Variants in PPP3R1 observed in about 807,000 individuals in gnomAD.
The protein encoded by PPP3R1 is calcineurin subunit B type 1.
Under a neutral mutation model 22.6 loss-of-function variants are expected in PPP3R1, and 5 were observed. The observed-to-expected ratio is 0.22, with a 90% CI of 0.12 to 0.46. The LOEUF (loss-of-function observed/expected upper bound fraction) is 0.46. Among genes scored for constraint, PPP3R1 ranks in the 20% least tolerant of loss-of-function variants. PPP3R1 has a pLI of 0.99. For synonymous variants in PPP3R1, 56 were observed against 65.2 expected (o/e 0.86, Z 0.68); for missense variants, 61 against 203.2 (o/e 0.30, Z 4.25).
intron 1 of PPP3R1, among the ~76,000 whole-genome samples, chr2:68,250,810 C>T (rs1284726716): frequency 6.6e-6 from 1 of 150,940 alleles, no homozygotes; most frequent in Non-Finnish European, 1.5e-5. Context: ...TAAATAAAAG[C>T]TGACTTACCT....
intron 1 of PPP3R1, among the ~76,000 whole-genome samples, chr2:68,243,190 A>C (rs535765643): frequency 1.4e-3 from 209 of 152,354 alleles, no homozygotes; most frequent in African/African-American, 4.8e-3. Context: ...TTAGTGCTAA[A>C]TTTCAAAAGA....
chr2:68,232,124 T>TACACACAC (rs751934251), intron 1 of PPP3R1, among the ~76,000 whole-genome samples: 2,917 of 97,956 alleles, frequency 0.03, 187 homozygotes, highest in African/African-American at 0.057. Flanking sequence ...TATATATATA[T>TACACACAC]ACACACACAC....
chr2:68,211,601 T>C (rs758241556), intron 2 of PPP3R1, among the ~76,000 whole-genome samples: 2 of 152,144 alleles, frequency 1.3e-5, no homozygotes, highest in Non-Finnish European at 2.9e-5. Context: ...ATTCCTTTCA[T>C]AAAAGATTTT....
At chr2:68,251,787 A>G (rs1947025) in intron 1 of PPP3R1, among the ~76,000 whole-genome samples, 111,451 of 149,968 alleles carry the variant, frequency 0.74, 42,466 homozygotes, top group African/African-American at 0.93. Flanking sequence ...CGCGAGAAGG[A>G]GAGTGCGCCG....
At chr2:68,226,021 T>C (rs1669773242) in intron 1 of PPP3R1, among the ~76,000 whole-genome samples, 1 of 152,152 alleles carries the variant, frequency 6.6e-6, no homozygotes, top group South Asian at 2.1e-4. Context: ...AGACTACTAA[T>C]ACACCCAATA....
At chr2:68,231,602 C>T (rs373644259) in intron 1 of PPP3R1, among the ~76,000 whole-genome samples, 1 of 152,180 alleles carries the variant, frequency 6.6e-6, no homozygotes, top group East Asian at 1.9e-4. Context: ...TAGTGCTTTA[C>T]ACTTTTATCA....
chr2:68,235,246 C>T (rs1669997045), intron 1 of PPP3R1, among the ~76,000 whole-genome samples: 1 of 152,074 alleles, frequency 6.6e-6, no homozygotes, highest in South Asian at 2.1e-4. Context: ...ACAAACCATC[C>T]ATCTAAAGTA....
chr2:68,223,381 G>A (rs1669723981), intron 1 of PPP3R1, among the ~76,000 whole-genome samples: 2 of 152,176 alleles, frequency 1.3e-5, no homozygotes, highest in African/African-American at 2.4e-5. Context: ...AGGCAACAGT[G>A]CGAGACTCTG....
intron 2 of PPP3R1, among the ~76,000 whole-genome samples, chr2:68,212,510 T>C (rs569174404): frequency 1.3e-5 from 2 of 152,380 alleles, no homozygotes; most frequent in South Asian, 2.1e-4. Flanking sequence ...CTTTACTCCA[T>C]GGGCTACAGA....
chr2:68,198,813 G>A (rs920668334), intron 2 of PPP3R1, among the ~76,000 whole-genome samples: 1 of 151,878 alleles, frequency 6.6e-6, no homozygotes, highest in South Asian at 2.1e-4. Flanking sequence ...CTATGAATGC[G>A]GTATATATCT....
Position 68,180,699 on chromosome 2 carries a change from G to A in PPP3R1, c.*264C>T. The A allele has an allele frequency of 3.1e-6, 1 of 324,496 alleles. No individual in the cohort carries two copies. Among genetic ancestry groups the A allele is most frequent in the Non-Finnish European group, 5.6e-6 (1 of 179,030 alleles). The allele number at this position is 324,496 out of a possible 1,614,324, so 20.1% of individuals were successfully genotyped here. On this transcript the variant is annotated 3_prime_UTR_variant, in exon 6 of 6. Transcript: ENST00000234310. The stretch of plus-strand genomic sequence containing the variant: ...AAGATGAAGAAAAATAAATTAAAAA[G>A]CCAACCCCTTCCCTTTCTCCACCAC...
At chr2:68,193,658 C>T (rs571686700) in intron 2 of PPP3R1, among the ~76,000 whole-genome samples, 1 of 152,242 alleles carries the variant, frequency 6.6e-6, no homozygotes, top group African/African-American at 2.4e-5. Context: ...GTTATTTAAG[C>T]ACTTCCACTT....
intron 2 of PPP3R1, 38 bp downstream of exon 2, chr2:68,217,054 G>T: frequency 6.8e-7 from 1 of 1,467,912 alleles, no homozygotes; most frequent in South Asian, 1.2e-5. Context: ...AGAGATGAGT[G>T]AATAAAAGTA....
chr2:68,228,003 TA>T (rs902589391), intron 1 of PPP3R1, among the ~76,000 whole-genome samples: 1 of 152,188 alleles, frequency 6.6e-6, no homozygotes, highest in African/African-American at 2.4e-5. Context: ...AGCACTACGC[TA>T]AAAAGGGCAG....
intron 2 of PPP3R1, among the ~76,000 whole-genome samples, chr2:68,197,044 T>A (rs1186125124): frequency 6.6e-6 from 1 of 152,196 alleles, no homozygotes; most frequent in African/African-American, 2.4e-5. Flanking sequence ...TAAAATAATT[T>A]AAGCCAACTT....
chr2:68,197,700 A>C (rs1467319751), intron 2 of PPP3R1, among the ~76,000 whole-genome samples: 1 of 152,024 alleles, frequency 6.6e-6, no homozygotes, highest in African/African-American at 2.4e-5. Flanking sequence ...AAGATTTGTG[A>C]AATTCTCTAT....
intron 2 of PPP3R1, among the ~76,000 whole-genome samples, chr2:68,209,427 ATAAG>A (rs1414368220): frequency 3.3e-5 from 5 of 150,594 alleles, no homozygotes; most frequent in Non-Finnish European, 7.4e-5. Context: ...AAATTAATAA[ATAAG>A]TAATTTGGGT....
intron 1 of PPP3R1, 99 bp downstream of exon 1, chr2:68,252,026 G>T: frequency 8.2e-7 from 1 of 1,215,462 alleles, no homozygotes; most frequent in Non-Finnish European, 1.1e-6. Flanking sequence ...ATTTTCCACG[G>T]GGGACAGCCG....
rs955696917 is a variant in PPP3R1 at position 68,198,311 on chromosome 2, A to G, written c.44-9621T>C. 1.0e-4 allele frequency among the ~76,000 whole-genome samples: 15 copies of G among 145,328 alleles called. 1 individual carries two copies. The highest frequency in any genetic ancestry group is 1.5e-4 in the African/African-American group (6 of 39,480). Reference sequence around the variant, plus strand: ...TGTATACACATGTATACATGTATACATATATGTATATACATATGTACATAT... The same window carrying G: ...TGTATACACATGTATACATGTATACGTATATGTATATACATATGTACATAT... On this transcript the variant is annotated intron_variant, in intron 2 of 5. Transcript: ENST00000234310.
Sources: gnomAD v4.1 joint callset for allele counts (sites outside exome capture counted in the v4.1 genomes callset) on GRCh38, gnomAD v4.1.1 for gene constraint, MANE v1.5 for transcripts, NCBI Gene and HGNC (gene_info 2026-07-23, HGNC 2026-07-21) for gene names.